The following MFAP5 variants were observed in gnomAD, a reference collection of about 807,000 sequenced individuals.
MFAP5 encodes the protein microfibril associated protein 5, also known as microfibrillar-associated protein 5.
MFAP5 carries 19 observed loss-of-function variants against 30.1 expected under a neutral mutation model. The ratio of observed to expected loss-of-function variants is 0.63; its 90% CI spans 0.44 to 0.93. The LOEUF is 0.93. Ranked by LOEUF, MFAP5 falls within the 40% of genes least tolerant of loss-of-function variation. The pLI is 0.00. For missense variants in MFAP5, 210 were observed against 221.3 expected, an observed-to-expected ratio of 0.95 and a Z score of 0.32; for synonymous variants, 92 against 72.9, an observed-to-expected ratio of 1.26 and a Z score of -1.33.
intron 1 of MFAP5, 117 bp from the exon 2 acceptor site, chr12:8,662,223 A>C (rs1942174808): frequency 1.3e-6 from 1 of 754,104 alleles, no homozygotes. Flanking sequence ...AACTTTCTTC[A>C]TTTTCCCTTA....
chr12:8,655,521 G>A (rs998134081), intron 4 of MFAP5, 74 bp from the exon 5 acceptor site: 12 of 1,467,288 alleles, frequency 8.2e-6, no homozygotes, highest in South Asian at 2.4e-5. Context: ...ATAAGGGGAC[G>A]ATGATCTCAA....
At position 8,656,595 on chromosome 12, in the gene MFAP5, C is replaced by T. The variant is rs1360836276; in HGVS notation, c.95-765G>A. ...GCTAATATATATATATATATATACACACACACACACACACATATATATACA... is the reference window on the plus strand; with the variant it reads ...GCTAATATATATATATATATATACATACACACACACACACATATATATACA... On this transcript the variant is annotated intron_variant, in intron 3 of 9. Coordinates refer to ENST00000359478, the MANE Select transcript of MFAP5 (RefSeq NM_003480.4). Among the ~76,000 whole-genome samples, 560 of 133,788 alleles carry T rather than the reference C, an allele frequency of 4.2e-3. 2 individuals carry two copies. Among genetic ancestry groups the T allele is most frequent in the African/African-American group, 0.014 (399 of 29,460 alleles). The allele number at this position is 133,788 out of a possible 152,430, so 87.8% of individuals were successfully genotyped here. A position where few individuals can be genotyped will look rare whatever the true frequency, so the allele number is the denominator to read the frequency against.
chr12:8,651,769 A>G, intron 6 of MFAP5, 78 bp from the exon 7 acceptor site: 1 of 1,351,676 alleles, frequency 7.4e-7, no homozygotes, highest in Non-Finnish European at 1.1e-6. Flanking sequence ...TGCCTCACTT[A>G]GGACCTGCTT....
chr12:8,659,960 G>A (rs771740874), intron 3 of MFAP5, among the ~76,000 whole-genome samples: 11 of 152,184 alleles, frequency 7.2e-5, no homozygotes, highest in African/African-American at 2.4e-4. Context: ...TGGGATGGGA[G>A]AAATAAAGAG....
chr12:8,656,056 A>ATTTT, intron 3 of MFAP5, among the ~76,000 whole-genome samples: 2 of 138,090 alleles, frequency 1.4e-5, no homozygotes, highest in Admixed American at 8.2e-5. Context: ...GACATTCATA[A>ATTTT]TTCTTTTTTT....
chr12:8,648,001 G>C lies in MFAP5; in HGVS notation c.*90C>G. ...CAAAAGGATTGGTTTAAGAAATACT[G>C]TCTAAGGGTTAGCTGTCAATGGTTG... On this transcript the variant is annotated 3_prime_UTR_variant, in exon 10 of 10. Coordinates refer to ENST00000359478, the MANE Select transcript of MFAP5 (RefSeq NM_003480.4). The C allele has an allele frequency of 4.1e-6, 4 of 972,070 alleles. No individual in the cohort carries two copies. 60.2% of individuals were successfully genotyped at this position (972,070 alleles called of 1,614,324 possible).
intron 2 of MFAP5, 47 bp downstream of exon 2, chr12:8,661,996 GTGTA>G (rs769341824): frequency 6.5e-7 from 1 of 1,535,732 alleles, no homozygotes; most frequent in African/African-American, 1.4e-5. Context: ...TGCCACACAC[GTGTA>G]TAGCTGAGGA....
chr12:8,652,668 G>T (rs756748698), intron 6 of MFAP5, among the ~76,000 whole-genome samples: 2 of 152,100 alleles, frequency 1.3e-5, no homozygotes, highest in African/African-American at 2.4e-5. Flanking sequence ...ATGGTTTCTA[G>T]GCAGGTGTAT....
At position 8,648,179 on chromosome 12, in the gene MFAP5, C is replaced by G. The variant is rs905379117; in HGVS notation, c.434G>C (p.Gly145Ala). The change falls in exon 10 of 10, where the codon GGT becomes GCT. Residue 145 changes from glycine (G) to alanine (A), a missense_variant. By Grantham distance (60) the Gly-to-Ala change is moderately conservative. Coordinates refer to ENST00000359478, the MANE Select transcript of MFAP5 (RefSeq NM_003480.4). ...MKDELCRQMAGLPPRRLRRSN... is the reference protein window; with the variant it reads ...MKDELCRQMAALPPRRLRRSN... ...GCGACGGAGTCTCCTAGGGGGCAGA[C>G]CAGCCATCTGACGGCAAAGCTCATC... 2 of 1,613,670 alleles carry G rather than the reference C, an allele frequency of 1.2e-6. No homozygotes were observed. The highest frequency in any genetic ancestry group is 2.7e-5 in the African/African-American group (2 of 75,008).
intron 3 of MFAP5, among the ~76,000 whole-genome samples, chr12:8,658,210 AT>A (rs1422040014): frequency 6.6e-6 from 1 of 152,026 alleles, no homozygotes; most frequent in African/African-American, 2.4e-5. Context: ...TTAGCTGGGC[AT>A]GGGTGGTGCA....
intron 1 of MFAP5, chr12:8,662,412 T>C (rs1167876739): frequency 1.0e-5 from 3 of 291,198 alleles, no homozygotes; most frequent in Non-Finnish European, 1.9e-5. Context: ...CTTTCACCCC[T>C]GATGTGGAAT....
chr12:8,653,064 C>T (rs999822784), intron 6 of MFAP5, among the ~76,000 whole-genome samples: 5 of 151,754 alleles, frequency 3.3e-5, no homozygotes, highest in East Asian at 1.9e-4. Context: ...TGGTGGTGGG[C>T]GCCTGTAATC....
At position 8,654,493 on chromosome 12, in the gene MFAP5, CA is replaced by C. The variant is rs1228538492; in HGVS notation, c.173-13del. 1 of 1,599,986 alleles carries C rather than the reference CA, an allele frequency of 6.3e-7. No homozygotes were observed. The highest frequency in any genetic ancestry group is 1.1e-5 in the South Asian group (1 of 88,228). On this transcript the variant is annotated splice_polypyrimidine_tract_variant and intron_variant, in intron 5 of 9. Transcript: ENST00000359478. ...CAAAACAGCCAAAACTGAAAAGGCA[CA>C]AAACAGCAGGTATGAGGAGGGCTTC...
At position 8,649,537 on chromosome 12, in the gene MFAP5, A is replaced by G; in HGVS notation, c.373T>C (p.Ser125Pro). 1 of 1,614,052 alleles carries G rather than the reference A, an allele frequency of 6.2e-7. No homozygotes were observed. Among genetic ancestry groups the G allele is most frequent in the Non-Finnish European group, 8.5e-7 (1 of 1,180,002 alleles). Reference protein sequence around the residue: ...RMYIVNKEICSRLVCKEHEAM... With the variant: ...RMYIVNKEICPRLVCKEHEAM... ...TCGTGTTCCTTACAGACAAGACGAG[A>G]GCAGATCTCCTTGTTGACGATGTAC... The change falls in exon 9 of 10, where the codon TCT becomes CCT. Residue 125 changes from serine to proline, a missense_variant. Ser to Pro is a moderately conservative substitution (Grantham distance 74). Transcript: ENST00000359478.
At chr12:8,651,822 G>A in intron 6 of MFAP5, 131 bp from the exon 7 acceptor site, 1 of 798,332 alleles carries the variant, frequency 1.3e-6, no homozygotes, top group Admixed American at 2.1e-5. Context: ...ATAACTCTTA[G>A]CAACTTCTAA....
intron 6 of MFAP5, among the ~76,000 whole-genome samples, chr12:8,653,359 C>T (rs1043782336): frequency 2.6e-5 from 4 of 152,180 alleles, no homozygotes; most frequent in African/African-American, 4.8e-5. Flanking sequence ...GGGTTCCAGG[C>T]GATCAATCAC....
At position 8,660,849 on chromosome 12, in the gene MFAP5, A is replaced by G. The variant is rs371092984; in HGVS notation, c.94+14T>C. On this transcript the variant is annotated intron_variant, in intron 3 of 9. Transcript: ENST00000359478. ...AAGAACCCCAACAGAGCCGCTATCCAAGGGTTCACCTACCTCCTCGTTGAC... is the reference window on the plus strand; with the variant it reads ...AAGAACCCCAACAGAGCCGCTATCCGAGGGTTCACCTACCTCCTCGTTGAC... The G allele has an allele frequency of 1.2e-6, 2 of 1,609,012 alleles. No homozygotes were observed. Among genetic ancestry groups the G allele is most frequent in the African/African-American group, 1.3e-5 (1 of 74,566 alleles).
chr12:8,650,658 A>G, intron 7 of MFAP5, 69 bp from the exon 8 acceptor site: 1 of 1,329,604 alleles, frequency 7.5e-7, no homozygotes, highest in East Asian at 2.3e-5. Flanking sequence ...GATTGAAGGA[A>G]TTGGGAAGGA....
At position 8,647,627 on chromosome 12, in the gene MFAP5, G is replaced by A. The variant is rs1941717955; in HGVS notation, c.*464C>T. On this transcript the variant is annotated 3_prime_UTR_variant, in exon 10 of 10. Transcript: ENST00000359478. ...GCAAAATAGTTAAAGTAAGAGTAAA[G>A]AGGAACACGTGAATGATGGGGAGTT... 1 of 152,314 alleles carries A rather than the reference G, an allele frequency of 6.6e-6. No individual in the cohort carries two copies. The highest frequency in any genetic ancestry group is 6.5e-5 in the Admixed American group (1 of 15,280). The allele number at this position is 152,314 out of a possible 1,614,324, so 9.4% of individuals were successfully genotyped here. A position where few individuals can be genotyped will look rare whatever the true frequency, so the allele number is the denominator to read the frequency against.
Sources: allele counts gnomAD v4.1 joint callset (sites outside exome capture counted in the v4.1 genomes callset), GRCh38; gene constraint gnomAD v4.1.1; transcripts MANE v1.5; gene names NCBI Gene and HGNC (gene_info 2026-07-23, HGNC 2026-07-21).